KLF8: variants seen among roughly 807,000 people sequenced by gnomAD.
KLF8 encodes the protein KLF transcription factor 8, also known as Krueppel-like factor 8.
In KLF8, 10 loss-of-function variants were observed where a neutral mutation model predicts 18.2. The observed-to-expected ratio is 0.55, with a 90% CI of 0.34 to 0.93. KLF8 has a LOEUF of 0.93. Ranked by LOEUF, KLF8 falls within the 40% of genes least tolerant of loss-of-function variation. KLF8 has a pLI of 0.02. For missense variants in KLF8, 264 were observed against 277.9 expected (o/e 0.95, Z 0.36); for synonymous variants, 109 against 97.3 (o/e 1.12, Z -0.71).
the KLF8 span, among the ~76,000 whole-genome samples, chrX:56,200,934 A>C: frequency 8.9e-6 from 1 of 111,959 alleles, no homozygotes; most frequent in African/African-American, 3.2e-5. Flanking sequence ...CACAAGTGTT[A>C]GGATGGCCAT....
At chrX:56,056,926 C>T in the KLF8 span, among the ~76,000 whole-genome samples, 5 of 109,621 alleles carry the variant, frequency 4.6e-5, no homozygotes, top group African/African-American at 1.7e-4. Flanking sequence ...TGGTGTCAGC[C>T]AAAATGTTTT....
the KLF8 span, among the ~76,000 whole-genome samples, chrX:55,937,171 C>A: frequency 1.8e-5 from 2 of 110,700 alleles, no homozygotes; most frequent in African/African-American, 6.6e-5. Context: ...TCCTCTGACA[C>A]AAAACTTCCA....
chrX:55,958,204 G>A, the KLF8 span, among the ~76,000 whole-genome samples: 15 of 111,985 alleles, frequency 1.3e-4, no homozygotes, highest in African/African-American at 4.5e-4. Context: ...CATGCAGTAT[G>A]AATAGAAGAA....
the KLF8 span, among the ~76,000 whole-genome samples, chrX:56,225,452 G>A: frequency 9.0e-6 from 1 of 111,594 alleles, no homozygotes; most frequent in South Asian, 3.8e-4. Flanking sequence ...GCAAGAGATA[G>A]ATTATGCAAT....
chrX:55,989,987 G>T, the KLF8 span, among the ~76,000 whole-genome samples: 1 of 111,700 alleles, frequency 9.0e-6, no homozygotes, highest in African/African-American at 3.3e-5. Flanking sequence ...TAGTTTATTT[G>T]CCTAGAGGTG....
intron 5 of KLF8, among the ~76,000 whole-genome samples, chrX:56,279,628 A>T (rs2067171616): frequency 1.8e-5 from 2 of 111,306 alleles, no homozygotes; most frequent in Admixed American, 9.6e-5. Context: ...GGAAGGGGTA[A>T]GATCAGTTAA....
At chrX:56,081,578 G>C in the KLF8 span, among the ~76,000 whole-genome samples, 3 of 111,823 alleles carry the variant, frequency 2.7e-5, no homozygotes, top group Non-Finnish European at 5.6e-5. Flanking sequence ...GGAAACTTTT[G>C]TCTTTCACTT....
At chrX:56,216,698 A>G in the KLF8 span, among the ~76,000 whole-genome samples, 4 of 110,575 alleles carry the variant, frequency 3.6e-5, no homozygotes, top group Non-Finnish European at 1.9e-5. Context: ...TAGGATCACT[A>G]TAAACTCCTG....
In KLF8 at chrX:56,285,945, T is replaced by C. The variant is rs1490906593; in HGVS notation, c.*1451T>C. The C allele has an allele frequency of 9.0e-6, 1 of 110,790 alleles. No individual in the cohort carries two copies. Among genetic ancestry groups the C allele is most frequent in the Non-Finnish European group, 1.9e-5 (1 of 52,977 alleles). The allele number at this position is 110,790 out of a possible 1,213,427, so 9.1% of individuals were successfully genotyped here. On this transcript the variant is annotated 3_prime_UTR_variant, in exon 6 of 6. Transcript: ENST00000468660. ...AACACCTTTTTCTTTTCAACCCTGCTTGAATACTTTAGGTTACTATTTCCT... is the reference window on the plus strand; with the variant it reads ...AACACCTTTTTCTTTTCAACCCTGCCTGAATACTTTAGGTTACTATTTCCT...
At chrX:56,211,476 C>A in the KLF8 span, among the ~76,000 whole-genome samples, 1 of 112,247 alleles carries the variant, frequency 8.9e-6, no homozygotes, top group African/African-American at 3.2e-5. Flanking sequence ...CTGGGTCACA[C>A]CTCAAGCTAC....
At chrX:56,052,040 C>T in the KLF8 span, among the ~76,000 whole-genome samples, 2 of 111,657 alleles carry the variant, frequency 1.8e-5, no homozygotes, top group Non-Finnish European at 3.8e-5. Context: ...TGCTGATACC[C>T]TTTCTTCCAG....
At chrX:56,010,206 C>A in the KLF8 span, among the ~76,000 whole-genome samples, 5 of 111,073 alleles carry the variant, frequency 4.5e-5, no homozygotes, top group African/African-American at 9.8e-5. Context: ...TAAGGGCAGC[C>A]AGAGAGAAAG....
the KLF8 span, among the ~76,000 whole-genome samples, chrX:56,162,591 G>C: frequency 8.9e-6 from 1 of 112,057 alleles, no homozygotes; most frequent in South Asian, 3.7e-4. Context: ...TAATCTCCTG[G>C]TGTGCCATTT....
the KLF8 span, among the ~76,000 whole-genome samples, chrX:56,120,387 A>C: frequency 8.9e-6 from 1 of 111,956 alleles, no homozygotes; most frequent in Admixed American, 9.5e-5. Flanking sequence ...ATTTCCCACT[A>C]TTCAGCTGAC....
the KLF8 span, among the ~76,000 whole-genome samples, chrX:56,185,721 A>G: frequency 0.032 from 3,632 of 111,972 alleles, 160 homozygotes; most frequent in African/African-American, 0.11. Context: ...GCCAATATTC[A>G]ACATTCTTAA....
the KLF8 span, among the ~76,000 whole-genome samples, chrX:56,155,585 C>G: frequency 1.8e-5 from 2 of 109,569 alleles, no homozygotes; most frequent in Non-Finnish European, 3.8e-5. Context: ...GTACATGTAC[C>G]CTAGAACTTA....
At chrX:56,034,656 C>G in the KLF8 span, among the ~76,000 whole-genome samples, 3 of 107,916 alleles carry the variant, frequency 2.8e-5, no homozygotes, top group African/African-American at 1.0e-4. Context: ...TGAGAACATT[C>G]AATATCCACT....
intron 1 of KLF8, among the ~76,000 whole-genome samples, chrX:56,241,171 C>T (rs1226177730): frequency 9.0e-6 from 1 of 110,968 alleles, no homozygotes. Flanking sequence ...TTAAAATCAC[C>T]CATAATTTTT....
chrX:56,286,699 T>G lies in KLF8; in HGVS notation c.*2205T>G, dbSNP rs924799370. 8.9e-6 allele frequency: 1 copy of G among 112,309 alleles called. No homozygotes were observed. Among genetic ancestry groups the G allele is most frequent in the South Asian group, 3.7e-4 (1 of 2,720 alleles). The allele number at this position is 112,309 out of a possible 1,213,427, so 9.3% of individuals were successfully genotyped here. On this transcript the variant is annotated 3_prime_UTR_variant, in exon 6 of 6. Coordinates refer to ENST00000468660, the MANE Select transcript of KLF8 (RefSeq NM_007250.5). ...GTCTGTCTATCTCATGAACTCTCCA[T>G]AAATCCAAGAACTGCCTGTAGTTTT...
Sources: gnomAD v4.1 joint callset for allele counts (sites outside exome capture counted in the v4.1 genomes callset) on GRCh38, gnomAD v4.1.1 for gene constraint, MANE v1.5 for transcripts, NCBI Gene and HGNC (gene_info 2026-07-23, HGNC 2026-07-21) for gene names.